Variants in PPP2R2B observed in about 807,000 individuals in gnomAD.
PPP2R2B encodes the protein protein phosphatase 2 regulatory subunit Bbeta.
Under a neutral mutation model 46.0 loss-of-function variants are expected in PPP2R2B, and 5 were observed. The observed-to-expected ratio is 0.11, with a 90% CI of 0.06 to 0.23. The LOEUF is 0.23. Ranked by LOEUF, PPP2R2B falls within the 10% of genes least tolerant of loss-of-function variation. The pLI is 1.00. For synonymous variants in PPP2R2B, 215 were observed against 206.7 expected, an observed-to-expected ratio of 1.04 and a Z score of -0.34; for missense variants, 367 against 575.0, an observed-to-expected ratio of 0.64 and a Z score of 3.70.
intron 2 of PPP2R2B, among the ~76,000 whole-genome samples, chr5:146,708,283 G>A (rs1324907475): frequency 1.6e-4 from 25 of 151,816 alleles, no homozygotes; most frequent in Non-Finnish European, 2.9e-5. Flanking sequence ...CTTGAGCCTG[G>A]GAGGCAGAGG....
intron 2 of PPP2R2B, among the ~76,000 whole-genome samples, chr5:146,858,852 A>G (rs1760820490): frequency 6.6e-6 from 1 of 152,132 alleles, no homozygotes; most frequent in Admixed American, 6.5e-5. Context: ...AGACTCTTCC[A>G]CTTGGCAAGA....
intron 1 of PPP2R2B, among the ~76,000 whole-genome samples, chr5:147,049,475 T>A (rs967424365): frequency 1.3e-5 from 2 of 152,068 alleles, no homozygotes; most frequent in African/African-American, 4.8e-5. Flanking sequence ...AAGTCTGCAT[T>A]TTAGGTGAGA....
At chr5:146,867,944 C>T (rs184774848) in intron 2 of PPP2R2B, among the ~76,000 whole-genome samples, 1 of 152,238 alleles carries the variant, frequency 6.6e-6, no homozygotes, top group East Asian at 1.9e-4. Context: ...AATTATGCTC[C>T]CTTGGAGTTT....
chr5:146,640,599 C>G (rs1775142973), intron 6 of PPP2R2B, among the ~76,000 whole-genome samples: 1 of 152,222 alleles, frequency 6.6e-6, no homozygotes, highest in African/African-American at 2.4e-5. Flanking sequence ...GAACATGTTT[C>G]TCTTTTCTCC....
At chr5:146,754,885 T>C (rs2151242976) in intron 2 of PPP2R2B, among the ~76,000 whole-genome samples, 2 of 152,238 alleles carry the variant, frequency 1.3e-5, no homozygotes, top group Admixed American at 1.3e-4. Context: ...ATGACTGTAG[T>C]CCTGGCTTAG....
intron 7 of PPP2R2B, among the ~76,000 whole-genome samples, chr5:146,601,297 G>A (rs1771761780): frequency 6.6e-6 from 1 of 152,094 alleles, no homozygotes; most frequent in African/African-American, 2.4e-5. Context: ...TTGGCTCACG[G>A]TGTTTAATAG....
chr5:146,787,988 G>A (rs1403736140), intron 2 of PPP2R2B, among the ~76,000 whole-genome samples: 1 of 152,178 alleles, frequency 6.6e-6, no homozygotes, highest in Non-Finnish European at 1.5e-5. Flanking sequence ...AAGGAGTTGA[G>A]TGACAAACTG....
At chr5:146,684,312 G>A (rs2151141904) in intron 5 of PPP2R2B, among the ~76,000 whole-genome samples, 1 of 152,326 alleles carries the variant, frequency 6.6e-6, no homozygotes, top group East Asian at 1.9e-4. Flanking sequence ...AAAACCTGGG[G>A]CAGTAAAGGC....
intron 2 of PPP2R2B, among the ~76,000 whole-genome samples, chr5:146,830,415 A>T (rs182367026): frequency 7.2e-5 from 11 of 152,354 alleles, no homozygotes; most frequent in Non-Finnish European, 1.2e-4. Flanking sequence ...ATGTATATAA[A>T]GCCCAACCAA....
rs532376772 is a variant in PPP2R2B, at chr5:146,822,465, G to A, written c.70+55537C>T. ...TCTCATACTCTCCACATTCATTACT[G>A]CTCCAGGGCCTTTGCATTTACTATT... On this transcript the variant is annotated intron_variant, in intron 2 of 9. Transcript: ENST00000394411. 1.1e-4 allele frequency among the ~76,000 whole-genome samples: 16 copies of A among 150,784 alleles called. No homozygotes were observed. In the East Asian group the frequency reaches 3.1e-3, roughly 29 times the overall value.
chr5:146,924,658 T>A (rs319157), intron 1 of PPP2R2B, among the ~76,000 whole-genome samples: 3,149 of 152,310 alleles, frequency 0.021, 105 homozygotes, highest in African/African-American at 0.072. Context: ...GTTTATGATC[T>A]GCTTTCACCA....
intron 2 of PPP2R2B, among the ~76,000 whole-genome samples, chr5:146,839,165 G>A (rs1759475883): frequency 6.6e-6 from 1 of 152,154 alleles, no homozygotes; most frequent in Non-Finnish European, 1.5e-5. Flanking sequence ...GGGGAGGCAG[G>A]AAGGCAAACA....
chr5:146,823,152 A>G (rs528340114), intron 2 of PPP2R2B, among the ~76,000 whole-genome samples: 1 of 152,106 alleles, frequency 6.6e-6, no homozygotes, highest in Non-Finnish European at 1.5e-5. Flanking sequence ...CAGCCTGCAT[A>G]TCACTACCTA....
chr5:146,983,226 G>T (rs1282209702), intron 1 of PPP2R2B, among the ~76,000 whole-genome samples: 2 of 120,410 alleles, frequency 1.7e-5, no homozygotes, highest in African/African-American at 3.0e-5. Context: ...TGTCCCCCAG[G>T]CTGGAGTGCA....
chr5:146,622,646 C>T (rs1313959934), intron 7 of PPP2R2B, among the ~76,000 whole-genome samples: 1 of 152,150 alleles, frequency 6.6e-6, no homozygotes, highest in Non-Finnish European at 1.5e-5. Flanking sequence ...CAAAATTGTT[C>T]CCATATTCCA....
rs1040326425 is a variant in PPP2R2B, at chr5:146,719,424, C to A, written c.71-18282G>T. 2.0e-5 allele frequency among the ~76,000 whole-genome samples: 3 copies of A among 152,148 alleles called. No homozygotes were observed. In the South Asian group the frequency reaches 6.2e-4, roughly 32 times the overall value. On this transcript the variant is annotated intron_variant, in intron 2 of 9. Coordinates refer to ENST00000394411, the MANE Select transcript of PPP2R2B (RefSeq NM_181675.4). The stretch of plus-strand genomic sequence containing the variant: ...ATCTCTGTCATTTACAAGTGATGTG[C>A]CTTTGGGCAAGTTACTTGAGTTCTC...
intron 2 of PPP2R2B, among the ~76,000 whole-genome samples, chr5:146,752,809 C>T (rs1035649154): frequency 2.6e-5 from 4 of 152,276 alleles, no homozygotes; most frequent in Admixed American, 6.5e-5. Context: ...CTTCCAGCAG[C>T]CTGGCAGAGC....
chr5:146,625,141 T>C (rs2151062693), intron 7 of PPP2R2B, among the ~76,000 whole-genome samples: 1 of 152,344 alleles, frequency 6.6e-6, no homozygotes, highest in African/African-American at 2.4e-5. Context: ...TCTTTTACTT[T>C]GCCTGCAAAC....
At chr5:146,655,593 G>C (rs1232912533) in intron 5 of PPP2R2B, among the ~76,000 whole-genome samples, 1 of 152,232 alleles carries the variant, frequency 6.6e-6, no homozygotes, top group Non-Finnish European at 1.5e-5. Context: ...GAGGCAGAAA[G>C]GTGAAGTTGT....
Sources: allele counts gnomAD v4.1 joint callset (sites outside exome capture counted in the v4.1 genomes callset), GRCh38; gene constraint gnomAD v4.1.1; transcripts MANE v1.5; gene names NCBI Gene and HGNC (gene_info 2026-07-23, HGNC 2026-07-21).